The following DNAH12 variants were observed in gnomAD, a reference collection of about 807,000 sequenced individuals.
The protein encoded by DNAH12 is dynein axonemal heavy chain 12, also known as axonemal beta dynein heavy chain 12.
Under a neutral mutation model 371.5 loss-of-function variants are expected in DNAH12, and 285 were observed. The ratio of observed to expected loss-of-function variants is 0.77; its 90% CI spans 0.70 to 0.85. DNAH12 has a LOEUF of 0.85. DNAH12 is among the 40% of genes least tolerant of loss of function. The pLI is 0.00. For missense variants in DNAH12, 3,611 were observed against 3,689.4 expected (o/e 0.98, Z 0.55); for synonymous variants, 1,200 against 1,213.0 (o/e 0.99, Z 0.22).
chr3:57,327,780 T>C (rs1469418938), intron 62 of DNAH12, among the ~76,000 whole-genome samples: 7 of 152,200 alleles, frequency 4.6e-5, no homozygotes, highest in African/African-American at 1.7e-4. Flanking sequence ...AGCTGGTTTT[T>C]TGAAAGGATC....
intron 25 of DNAH12, among the ~76,000 whole-genome samples, chr3:57,451,126 C>T (rs573606763): frequency 6.6e-6 from 1 of 152,320 alleles, no homozygotes; most frequent in African/African-American, 2.4e-5. Context: ...GTCCTTATTT[C>T]CCTACAGGTT....
At chr3:57,521,063 C>CAAAAAAAAAA (rs61570396) in intron 4 of DNAH12, among the ~76,000 whole-genome samples, 1 of 54,440 alleles carries the variant, frequency 1.8e-5, no homozygotes. Flanking sequence ...GACTCTGTCT[C>CAAAAAAAAAA]AAAAAAAAAA....
At chr3:57,297,624 G>A (rs1421963955) in intron 70 of DNAH12, among the ~76,000 whole-genome samples, 1 of 151,980 alleles carries the variant, frequency 6.6e-6, no homozygotes, top group African/African-American at 2.4e-5. Flanking sequence ...CCAAAGTCCT[G>A]GGATCACAGG....
chr3:57,450,236 A>T (rs1317667172), intron 25 of DNAH12, among the ~76,000 whole-genome samples: 1 of 100,218 alleles, frequency 1.0e-5, no homozygotes, highest in Non-Finnish European at 2.1e-5. Context: ...TGACAGAGTG[A>T]GACTGTCTCA....
intron 56 of DNAH12, 73 bp from the exon 57 acceptor site, chr3:57,366,994 C>T (rs1418992689): frequency 6.6e-6 from 1 of 152,184 alleles, no homozygotes; most frequent in African/African-American, 2.4e-5. Flanking sequence ...CTTCTATGGC[C>T]TTGCCTAGGT....
At chr3:57,553,828 CT>C in the DNAH12 span, among the ~76,000 whole-genome samples, 259 of 142,012 alleles carry the variant, frequency 1.8e-3, no homozygotes, top group Non-Finnish European at 1.6e-3. Flanking sequence ...GAAGATATTT[CT>C]TTTTTTTTTT....
At chr3:57,339,763 T>C (rs576721268) in intron 60 of DNAH12, among the ~76,000 whole-genome samples, 81 of 151,946 alleles carry the variant, frequency 5.3e-4, no homozygotes, top group African/African-American at 1.7e-3. Context: ...GAGTGACCAA[T>C]TGATTAAAAA....
At chr3:57,364,560 G>A (rs888289669) in intron 57 of DNAH12, among the ~76,000 whole-genome samples, 2 of 151,968 alleles carry the variant, frequency 1.3e-5, no homozygotes, top group Non-Finnish European at 2.9e-5. Flanking sequence ...ATAGGCACAG[G>A]CAAAGATTTC....
chr3:57,377,798 A>G (rs2063311233), intron 52 of DNAH12, among the ~76,000 whole-genome samples: 1 of 152,156 alleles, frequency 6.6e-6, no homozygotes, highest in African/African-American at 2.4e-5. Context: ...GATTTCCTAA[A>G]GTTTTTTTGT....
intron 44 of DNAH12, among the ~76,000 whole-genome samples, chr3:57,393,948 C>T (rs2063685717): frequency 6.6e-6 from 1 of 152,126 alleles, no homozygotes; most frequent in African/African-American, 2.4e-5. Context: ...GTGAAACAAA[C>T]TGCCATTATG....
intron 16 of DNAH12, among the ~76,000 whole-genome samples, chr3:57,469,962 CAT>C (rs1461552352): frequency 6.6e-6 from 1 of 152,020 alleles, no homozygotes; most frequent in Admixed American, 6.6e-5. Flanking sequence ...CAAACCTGCA[CAT>C]GTTACCGAAT....
At chr3:57,449,542 T>G (rs1436575090) in intron 25 of DNAH12, among the ~76,000 whole-genome samples, 2 of 152,174 alleles carry the variant, frequency 1.3e-5, no homozygotes, top group African/African-American at 2.4e-5. Flanking sequence ...GCTGGTGGGC[T>G]GGCACTGCTG....
chr3:57,338,936 A>C (rs2062315602), intron 60 of DNAH12, among the ~76,000 whole-genome samples: 1 of 152,240 alleles, frequency 6.6e-6, no homozygotes, highest in Non-Finnish European at 1.5e-5. Flanking sequence ...TCGAAAAGAA[A>C]AGGGGGAAAT....
chr3:57,471,367 TAA>T, intron 15 of DNAH12, 103 bp downstream of exon 15: 1 of 1,107,956 alleles, frequency 9.0e-7, no homozygotes, highest in Non-Finnish European at 1.2e-6. Flanking sequence ...AGAGTAAACA[TAA>T]AAAAATAGTA....
intron 23 of DNAH12, among the ~76,000 whole-genome samples, chr3:57,454,424 G>C (rs1271267852): frequency 6.7e-6 from 1 of 150,350 alleles, no homozygotes. Context: ...AGGTTGCAGT[G>C]AGCCGAGATC....
intron 60 of DNAH12, among the ~76,000 whole-genome samples, chr3:57,345,479 G>T (rs77236966): frequency 6.6e-6 from 1 of 152,030 alleles, no homozygotes; most frequent in South Asian, 2.1e-4. Flanking sequence ...AAAAATACAC[G>T]AGAACCATGA....
chr3:57,517,066 T>G (rs989209565), intron 4 of DNAH12, among the ~76,000 whole-genome samples: 2 of 152,154 alleles, frequency 1.3e-5, no homozygotes, highest in African/African-American at 4.8e-5. Context: ...GTTGGGAAAT[T>G]CTCAACCCCA....
At chr3:57,382,589 T>C (rs1575526554) in intron 49 of DNAH12, among the ~76,000 whole-genome samples, 196 bp from the exon 50 acceptor site, 1 of 151,844 alleles carries the variant, frequency 6.6e-6, no homozygotes, top group African/African-American at 2.4e-5. Flanking sequence ...TTAAGACTAA[T>C]GGTTCTCAAA....
chr3:57,325,462 G>C (rs996282797), intron 62 of DNAH12, among the ~76,000 whole-genome samples: 1 of 152,236 alleles, frequency 6.6e-6, no homozygotes, highest in Non-Finnish European at 1.5e-5. Flanking sequence ...CAGGCAAACA[G>C]GGTCTGGAGT....
Sources: allele counts gnomAD v4.1 joint callset (sites outside exome capture counted in the v4.1 genomes callset), GRCh38; gene constraint gnomAD v4.1.1; transcripts MANE v1.5; gene names NCBI Gene and HGNC (gene_info 2026-07-23, HGNC 2026-07-21).